Variants in MARCHF1 observed in about 807,000 individuals in gnomAD.
MARCHF1 encodes the protein membrane associated ring-CH-type finger 1.
Under a neutral mutation model 54.2 loss-of-function variants are expected in MARCHF1, and 40 were observed. The ratio of observed to expected loss-of-function variants is 0.74; its 90% CI spans 0.57 to 0.96. The LOEUF is 0.96. Ranked by LOEUF, MARCHF1 falls within the 40% of genes least tolerant of loss-of-function variation. MARCHF1 has a pLI of 0.00. For synonymous variants in MARCHF1, 236 were observed against 236.3 expected, an observed-to-expected ratio of 1.00 and a Z score of 0.01; for missense variants, 586 against 656.5, an observed-to-expected ratio of 0.89 and a Z score of 1.17.
chr4:163,645,281 G>A (rs1249886761), intron 5 of MARCHF1, among the ~76,000 whole-genome samples: 1 of 152,148 alleles, frequency 6.6e-6, no homozygotes, highest in African/African-American at 2.4e-5. Flanking sequence ...CCCCATTGCA[G>A]TCTCAGTAGC....
intron 4 of MARCHF1, among the ~76,000 whole-genome samples, chr4:163,777,086 A>G (rs1027310726): frequency 7.9e-5 from 12 of 152,188 alleles, no homozygotes; most frequent in Non-Finnish European, 1.8e-4. Flanking sequence ...GTCAGAAAAT[A>G]TTTTATGATT....
chr4:164,231,959 A>C (rs1300292872), intron 1 of MARCHF1, among the ~76,000 whole-genome samples: 1 of 152,116 alleles, frequency 6.6e-6, no homozygotes, highest in Non-Finnish European at 1.5e-5. Flanking sequence ...TATCATAAAC[A>C]AATTCCTTGA....
intron 4 of MARCHF1, among the ~76,000 whole-genome samples, chr4:163,798,018 T>G (rs1747967661): frequency 1.3e-5 from 2 of 152,184 alleles, no homozygotes; most frequent in Non-Finnish European, 2.9e-5. Context: ...AGACAGGATA[T>G]GTGTTTGCAC....
chr4:164,300,152 C>G (rs1335494231), intron 1 of MARCHF1, among the ~76,000 whole-genome samples: 1 of 151,888 alleles, frequency 6.6e-6, no homozygotes, highest in Admixed American at 6.6e-5. Context: ...GTCTCTTCCT[C>G]TCCTTCCTCC....
intron 5 of MARCHF1, among the ~76,000 whole-genome samples, chr4:163,629,150 C>T (rs1240373003): frequency 6.6e-6 from 1 of 152,176 alleles, no homozygotes; most frequent in Non-Finnish European, 1.5e-5. Context: ...TACCTGACTT[C>T]AAACTATACT....
At chr4:164,351,964 G>C (rs1302315597) in intron 1 of MARCHF1, among the ~76,000 whole-genome samples, 5 of 147,142 alleles carry the variant, frequency 3.4e-5, no homozygotes, top group African/African-American at 7.4e-5. Context: ...CGTGAAGAAT[G>C]CAGAAGCCTC....
chr4:163,555,900 ACT>A (rs1227034565), intron 8 of MARCHF1: 1 of 456,028 alleles, frequency 2.2e-6, no homozygotes, highest in Non-Finnish European at 4.4e-6. Context: ...GTCTGTGGTC[ACT>A]CTCTGTGCCT....
chr4:163,611,550 T>G (rs1741340961), intron 7 of MARCHF1, among the ~76,000 whole-genome samples: 1 of 152,154 alleles, frequency 6.6e-6, no homozygotes, highest in Non-Finnish European at 1.5e-5. Flanking sequence ...TGTTTGAAAT[T>G]GTCTCATTTA....
intron 8 of MARCHF1, among the ~76,000 whole-genome samples, chr4:163,577,610 A>T (rs1292889666): frequency 1.3e-5 from 2 of 151,956 alleles, no homozygotes; most frequent in Non-Finnish European, 2.9e-5. Context: ...AATTTCTTGT[A>T]TCTGGATGTC....
intron 3 of MARCHF1, among the ~76,000 whole-genome samples, chr4:163,960,516 A>C (rs1033841613): frequency 6.6e-6 from 1 of 151,934 alleles, no homozygotes; most frequent in Non-Finnish European, 1.5e-5. Context: ...GAACATGGGT[A>C]GAACTGGAGG....
chr4:163,921,515 C>A (rs779870984), intron 3 of MARCHF1, among the ~76,000 whole-genome samples: 1 of 152,104 alleles, frequency 6.6e-6, no homozygotes, highest in Non-Finnish European at 1.5e-5. Context: ...TTGACTACTA[C>A]TATGAATCAA....
intron 2 of MARCHF1, among the ~76,000 whole-genome samples, chr4:164,081,199 C>A (rs1755090151): frequency 3.0e-5 from 1 of 33,870 alleles, no homozygotes; most frequent in Non-Finnish European, 6.8e-5. Flanking sequence ...CAGAGCCAGA[C>A]GCTGTCTCAA....
intron 1 of MARCHF1, among the ~76,000 whole-genome samples, chr4:164,210,365 TCAGTGTCTA>T (rs1731730847): frequency 6.6e-6 from 1 of 152,132 alleles, no homozygotes; most frequent in African/African-American, 2.4e-5. Context: ...AGATAATTAC[TCAGTGTCTA>T]GCATGAGCAA....
chr4:163,769,818 T>G (rs1004612007), intron 4 of MARCHF1, among the ~76,000 whole-genome samples: 1 of 152,070 alleles, frequency 6.6e-6, no homozygotes, highest in Non-Finnish European at 1.5e-5. Context: ...TTACTAGAGA[T>G]CAATGGTCAG....
chr4:163,827,167 A>C (rs1748876980), intron 4 of MARCHF1, among the ~76,000 whole-genome samples: 2 of 152,024 alleles, frequency 1.3e-5, no homozygotes. Flanking sequence ...GGCTGAAAAT[A>C]AGATTTGTAG....
intron 5 of MARCHF1, among the ~76,000 whole-genome samples, chr4:163,638,281 C>T (rs1353061517): frequency 6.6e-6 from 1 of 151,098 alleles, no homozygotes; most frequent in Non-Finnish European, 1.5e-5. Flanking sequence ...AATGTAATCC[C>T]AGTGTTGGAG....
At chr4:164,283,087 G>T (rs1427490394) in intron 1 of MARCHF1, among the ~76,000 whole-genome samples, 5 of 151,164 alleles carry the variant, frequency 3.3e-5, no homozygotes, top group African/African-American at 1.2e-4. Flanking sequence ...TCACATGATA[G>T]TGTAGTTTTC....
At chr4:163,864,939 C>A (rs1251768614) in intron 3 of MARCHF1, among the ~76,000 whole-genome samples, 1 of 151,674 alleles carries the variant, frequency 6.6e-6, no homozygotes, top group African/African-American at 2.4e-5. Flanking sequence ...CTATGGGAGA[C>A]TGGAAGAAAA....
At chr4:163,685,288 A>C (rs1744231323) in intron 5 of MARCHF1, among the ~76,000 whole-genome samples, 1 of 152,096 alleles carries the variant, frequency 6.6e-6, no homozygotes, top group Non-Finnish European at 1.5e-5. Flanking sequence ...GAAATGCATA[A>C]ATCTTAAACA....
Sources: gnomAD v4.1 joint callset for allele counts (sites outside exome capture counted in the v4.1 genomes callset) on GRCh38, gnomAD v4.1.1 for gene constraint, MANE v1.5 for transcripts, NCBI Gene and HGNC (gene_info 2026-07-23, HGNC 2026-07-21) for gene names.